Variants in MTHFSD observed in about 807,000 individuals in gnomAD.
The protein encoded by MTHFSD is methenyltetrahydrofolate synthase domain-containing protein.
A neutral mutation model predicts 31.1 loss-of-function variants in MTHFSD; 37 were observed. The ratio of observed to expected loss-of-function variants is 1.19; its 90% CI spans 0.91 to 1.56. The LOEUF (loss-of-function observed/expected upper bound fraction) is 1.56, where lower values mean the gene tolerates loss of function less well. Among genes scored for constraint, MTHFSD ranks in the 40% most tolerant of loss-of-function variants. The pLI, the probability that MTHFSD is intolerant of heterozygous loss-of-function variation, is 0.00. For missense variants in MTHFSD, 664 were observed against 510.1 expected (o/e 1.30, Z -2.91); for synonymous variants, 221 against 206.9 (o/e 1.07, Z -0.59).
intron 5 of MTHFSD, among the ~76,000 whole-genome samples, chr16:86,544,112 T>C (rs1971923545): frequency 6.6e-6 from 1 of 152,200 alleles, no homozygotes; most frequent in Non-Finnish European, 1.5e-5. Flanking sequence ...GATGTAGGAA[T>C]AACAGAACTA....
chr16:86,540,858 C>G (rs1242343551), intron 7 of MTHFSD: 1 of 1,084,930 alleles, frequency 9.2e-7, no homozygotes, highest in African/African-American at 1.6e-5. Flanking sequence ...GAGGAGTGCA[C>G]ACCTGGGAGT....
In MTHFSD at chr16:86,548,518, G is replaced by A. The variant is rs767339395; in HGVS notation, c.297C>T (p.Ile99=). The A allele has an allele frequency of 1.9e-6, 3 of 1,613,816 alleles. No individual in the cohort carries two copies. The highest frequency in any genetic ancestry group is 1.7e-6 in the Non-Finnish European group (2 of 1,179,964). ...CTTTAGTTGCCCCAGGGGGTGGTGT[G>A]ATCTTATTAAACAATCCCGTTCTCA... is the stretch of plus-strand genomic sequence containing the variant. ...PRLRTGLFNK[I]TPPPGATKDI... The change falls in exon 4 of 8, where the codon ATC becomes ATT. Residue 99 remains isoleucine (I), a synonymous_variant. Transcript: ENST00000360900.
chr16:86,552,327 C>A, intron 2 of MTHFSD, 181 bp from the exon 3 acceptor site: 1 of 1,514,378 alleles, frequency 6.6e-7, no homozygotes, highest in Admixed American at 2.1e-5. Context: ...ACTGAAAGGA[C>A]AGCACGCTCT....
intron 5 of MTHFSD, 36 bp downstream of exon 5, chr16:86,546,523 C>G (rs760086384): frequency 3.2e-6 from 5 of 1,577,678 alleles, no homozygotes; most frequent in South Asian, 1.1e-5. Context: ...TCAGGCAGAG[C>G]TGTCACACTC....
chr16:86,541,532 G>C (rs1971513679), intron 7 of MTHFSD, 165 bp downstream of exon 7: 1 of 924,028 alleles, frequency 1.1e-6, no homozygotes, highest in Non-Finnish European at 1.6e-6. Context: ...TTAGGCCTGG[G>C]CCTGGACATG....
At chr16:86,541,506 A>T in intron 7 of MTHFSD, 191 bp downstream of exon 7, 1 of 780,474 alleles carries the variant, frequency 1.3e-6, no homozygotes, top group Non-Finnish European at 2.0e-6. Flanking sequence ...AATCCCAGAG[A>T]TCCATACGCA....
At chr16:86,549,335 C>T (rs1972796967) in intron 3 of MTHFSD, among the ~76,000 whole-genome samples, 1 of 152,236 alleles carries the variant, frequency 6.6e-6, no homozygotes, top group Non-Finnish European at 1.5e-5. Context: ...AGCCACAAGG[C>T]AATCATAAGA....
chr16:86,540,895 T>C, intron 7 of MTHFSD: 3 of 1,126,172 alleles, frequency 2.7e-6, no homozygotes, highest in South Asian at 2.1e-5. Context: ...CCAGGACACC[T>C]GCAGGGAAAG....
intron 7 of MTHFSD, among the ~76,000 whole-genome samples, chr16:86,540,210 G>A (rs1453446259): frequency 6.6e-6 from 1 of 152,174 alleles, no homozygotes; most frequent in African/African-American, 2.4e-5. Flanking sequence ...TGAGAACACA[G>A]GACCCAAAAT....
chr16:86,531,981 C>G lies in MTHFSD; in HGVS notation c.*30G>C. 7.2e-7 allele frequency: 1 copy of G among 1,391,104 alleles called. No homozygotes were observed. 86.2% of individuals were successfully genotyped at this position (1,391,104 alleles called of 1,614,324 possible). On this transcript the variant is annotated 3_prime_UTR_variant, in exon 8 of 8. Transcript: ENST00000360900. This position sits in a 1 kb window ranked among gnomAD's most constrained non-coding sequence, Gnocchi z 5.5. The stretch of plus-strand genomic sequence containing the variant: ...GCGGCAGGGGACGGGGATGGCGAGT[C>G]TGCAGTGAGCTCCGTGGCTGTCCAC...
chr16:86,552,252 G>T (rs780942981), intron 2 of MTHFSD, 106 bp from the exon 3 acceptor site: 1 of 1,607,730 alleles, frequency 6.2e-7, no homozygotes, highest in Non-Finnish European at 8.5e-7. Flanking sequence ...CGTTTTGAAC[G>T]CCTGCAAGCG....
At position 86,555,154 on chromosome 16, in the gene MTHFSD, C is replaced by T; in HGVS notation, c.16+15G>A. On this transcript the variant is annotated intron_variant, in intron 1 of 7. Transcript: ENST00000360900. The stretch of plus-strand genomic sequence containing the variant: ...CCCATTCCCAGCCGCCCCGGAGCCC[C>T]GCCAGGCCCCCCACCTGCCCTCGGC... 2 of 1,535,674 alleles carry T rather than the reference C, an allele frequency of 1.3e-6. No individual in the cohort carries two copies. The highest frequency in any genetic ancestry group is 1.7e-6 in the Non-Finnish European group (2 of 1,145,662).
chr16:86,552,576 A>G lies in MTHFSD; in HGVS notation c.124-430T>C, dbSNP rs75559576. ...AGGCTGCTGTGTAACCACCACCAAA[A>G]TCAAGCAGTAGCATGACCTGGAAGC... On this transcript the variant is annotated intron_variant, in intron 2 of 7. Coordinates refer to ENST00000360900, the MANE Select transcript of MTHFSD (RefSeq NM_001159377.2). Among the ~76,000 whole-genome samples, 665 of 152,292 alleles carry G rather than the reference A, an allele frequency of 4.4e-3. 6 individuals carry two copies. The highest frequency in any genetic ancestry group is 0.015 in the African/African-American group (634 of 41,558).
In MTHFSD at chr16:86,531,463, A is replaced by C. The variant is rs1327829547; in HGVS notation, c.*548T>G. The C allele has an allele frequency of 6.6e-6, 1 of 152,216 alleles. No individual in the cohort carries two copies. Among genetic ancestry groups the C allele is most frequent in the African/African-American group, 2.4e-5 (1 of 41,414 alleles). The allele number at this position is 152,216 out of a possible 1,614,324, so 9.4% of individuals were successfully genotyped here. ...GAAATGTGACCTGAGGACTGATCTG[A>C]GCTGCAGTGAGCACTTTTTACCCAG... On this transcript the variant is annotated 3_prime_UTR_variant, in exon 8 of 8. Transcript: ENST00000360900. The surrounding 1 kb of genome is among the most constrained non-coding windows in gnomAD (Gnocchi z 5.5).
At position 86,554,857 on chromosome 16, in the gene MTHFSD, T is replaced by G; in HGVS notation, c.17-106A>C. 10 of 1,102,780 alleles carry G rather than the reference T, an allele frequency of 9.1e-6. No homozygotes were observed. The South Asian group carries it at 1.4e-4, about 15-fold the overall frequency. 68.3% of individuals were successfully genotyped at this position (1,102,780 alleles called of 1,614,324 possible). A position where few individuals can be genotyped will look rare whatever the true frequency, so the allele number is the denominator to read the frequency against. On this transcript the variant is annotated intron_variant, in intron 1 of 7. Coordinates refer to ENST00000360900, the MANE Select transcript of MTHFSD (RefSeq NM_001159377.2). ...ACCCCCGCGTGTAGGTCAAACCGGC[T>G]TCCGATCCTGTTCCTGAGCCTCAGT...
chr16:86,536,294 G>C (rs953032418), intron 7 of MTHFSD, among the ~76,000 whole-genome samples: 3 of 152,240 alleles, frequency 2.0e-5, no homozygotes, highest in Non-Finnish European at 4.4e-5. Context: ...AATAACCATA[G>C]GGAGTAGGTA....
In MTHFSD at chr16:86,541,413, A is replaced by T. The variant is rs114810357; in HGVS notation, c.681+284T>A. 3.6e-3 allele frequency: 2,107 copies of T among 584,758 alleles called. 39 individuals are homozygous for T. The highest frequency in any genetic ancestry group is 0.036 in the African/African-American group (1,927 of 53,624). The allele number at this position is 584,758 out of a possible 1,614,324, so 36.2% of individuals were successfully genotyped here. ...AAAATGAAAAACAGGGGGCAAGTAA[A>T]GCTTCAAGGCATTCACCCTCCCAGC... On this transcript the variant is annotated intron_variant, in intron 7 of 7. Transcript: ENST00000360900.
At position 86,546,662 on chromosome 16, in the gene MTHFSD, A is replaced by T. The variant is rs770582104; in HGVS notation, c.352-13T>A. ...AGTTCCTCACACCCTGCACACAGAG[A>T]TACGGATTGGAAAACTTCAACTCCA... On this transcript the variant is annotated splice_polypyrimidine_tract_variant and intron_variant, in intron 4 of 7. Transcript: ENST00000360900. 2.5e-6 allele frequency: 4 copies of T among 1,607,668 alleles called. No homozygotes were observed. In the African/African-American group the frequency reaches 5.3e-5, roughly 21 times the overall value.
Position 86,537,326 on chromosome 16 carries a change from C to T in MTHFSD, c.681+4371G>A, listed in dbSNP as rs972831838. Among the ~76,000 whole-genome samples, 4 of 152,194 alleles carry T rather than the reference C, an allele frequency of 2.6e-5. No individual in the cohort carries two copies. In the South Asian group the frequency reaches 6.2e-4, roughly 24 times the overall value. On this transcript the variant is annotated intron_variant, in intron 7 of 7. Transcript: ENST00000360900. ...ATATCAAGCATGTATAATATCATAT[C>T]GTGCCTTTTCTACTTTATACCACAT...
Sources: allele counts gnomAD v4.1 joint callset (sites outside exome capture counted in the v4.1 genomes callset), GRCh38; gene constraint gnomAD v4.1.1; non-coding constraint Gnocchi (gnomAD v3.1); transcripts MANE v1.5; gene names NCBI Gene and HGNC (gene_info 2026-07-23, HGNC 2026-07-21).